Variants in ACTN1 observed in about 807,000 individuals in gnomAD.
The protein encoded by ACTN1 is actinin alpha 1.
In ACTN1, 30 loss-of-function variants were observed where a neutral mutation model predicts 119.6. That is an observed-to-expected ratio of 0.25 (90% CI 0.19 to 0.34). The LOEUF (loss-of-function observed/expected upper bound fraction) is 0.34, where lower values mean the gene tolerates loss of function less well. Among genes scored for constraint, ACTN1 ranks in the 10% least tolerant of loss-of-function variants. ACTN1 has a pLI of 1.00. For missense variants in ACTN1, 764 were observed against 1,223.4 expected (o/e 0.62, Z 5.60); for synonymous variants, 429 against 472.6 (o/e 0.91, Z 1.20).
chr14:68,942,682 G>A (rs747813421), intron 1 of ACTN1, among the ~76,000 whole-genome samples: 4 of 152,208 alleles, frequency 2.6e-5, no homozygotes, highest in African/African-American at 7.2e-5. Context: ...GGAAGCCCTC[G>A]TGCCCGGCTG....
intron 21 of ACTN1, among the ~76,000 whole-genome samples, chr14:68,875,507 C>T (rs1401613430): frequency 6.6e-6 from 1 of 152,244 alleles, no homozygotes; most frequent in East Asian, 1.9e-4. Context: ...TATGGCCAGG[C>T]TATGTTAAGC....
chr14:68,912,661 G>A (rs2034075442), intron 3 of ACTN1, among the ~76,000 whole-genome samples: 1 of 152,134 alleles, frequency 6.6e-6, no homozygotes, highest in Admixed American at 6.5e-5. Flanking sequence ...ACAGGCATGA[G>A]CTACCATGCC....
At chr14:68,927,415 CAG>C (rs912296544) in intron 1 of ACTN1, among the ~76,000 whole-genome samples, 1 of 152,198 alleles carries the variant, frequency 6.6e-6, no homozygotes, top group Non-Finnish European at 1.5e-5. Context: ...ACCCAGGGCA[CAG>C]AGTCAGGGAC....
intron 11 of ACTN1, chr14:68,888,033 T>C: frequency 1.4e-6 from 1 of 734,774 alleles, no homozygotes; most frequent in South Asian, 1.4e-5. Flanking sequence ...GATCTCCTCT[T>C]GGGCTTTTCC....
At chr14:68,910,181 A>G (rs2033922900) in intron 4 of ACTN1, 139 bp from the exon 5 acceptor site, 2 of 635,474 alleles carry the variant, frequency 3.1e-6, no homozygotes, top group South Asian at 2.0e-5. Context: ...CATCAAGTCT[A>G]TTCCCTTGAC....
intron 1 of ACTN1, among the ~76,000 whole-genome samples, chr14:68,973,344 C>T (rs2036956523): frequency 6.6e-6 from 1 of 152,168 alleles, no homozygotes; most frequent in Admixed American, 6.5e-5. Context: ...GTAATTGAAT[C>T]ATGGGGGTGG....
chr14:68,884,370 A>G, intron 13 of ACTN1, 62 bp from the exon 14 acceptor site: 1 of 1,548,876 alleles, frequency 6.5e-7, no homozygotes, highest in Non-Finnish European at 8.8e-7. Context: ...CCCCACTCCT[A>G]TCAAGATCCT....
intron 21 of ACTN1, among the ~76,000 whole-genome samples, chr14:68,876,028 ACT>A (rs1183705734): frequency 6.6e-6 from 1 of 151,712 alleles, no homozygotes; most frequent in Non-Finnish European, 1.5e-5. Context: ...ACGGAGTCTC[ACT>A]CTGTCACCCA....
intron 3 of ACTN1, among the ~76,000 whole-genome samples, chr14:68,915,953 G>C (rs1006878753): frequency 1.5e-4 from 23 of 152,242 alleles, no homozygotes; most frequent in African/African-American, 5.3e-4. Flanking sequence ...GGCGGAGGTT[G>C]CAGTAAGCTG....
intron 20 of ACTN1, 153 bp from the exon 21 acceptor site, chr14:68,877,393 G>A: frequency 2.3e-6 from 2 of 887,810 alleles, no homozygotes; most frequent in East Asian, 2.7e-5. Flanking sequence ...AGGGTATGAT[G>A]GGGACACAAC....
intron 1 of ACTN1, among the ~76,000 whole-genome samples, chr14:68,952,234 C>T (rs1207833310): frequency 6.6e-6 from 1 of 152,208 alleles, no homozygotes. Flanking sequence ...ATCCTGGGAT[C>T]GCCAGAGGGA....
chr14:68,904,802 A>G, intron 6 of ACTN1, 66 bp from the exon 7 acceptor site: 3 of 1,404,802 alleles, frequency 2.1e-6, no homozygotes, highest in Non-Finnish European at 3.0e-6. Context: ...GCTACTCCCA[A>G]TTGGGTGGCC....
intron 9 of ACTN1, 44 bp downstream of exon 9, chr14:68,893,611 T>G (rs777825538): frequency 1.3e-6 from 2 of 1,580,558 alleles, no homozygotes; most frequent in Non-Finnish European, 1.7e-6. Context: ...TCTAGGGGAC[T>G]GACTCTTGCT....
intron 2 of ACTN1, among the ~76,000 whole-genome samples, chr14:68,922,759 C>T (rs983619141): frequency 6.6e-6 from 1 of 152,242 alleles, no homozygotes; most frequent in Non-Finnish European, 1.5e-5. Context: ...CTGTGGCTGT[C>T]CAGCCCCTTT....
chr14:68,929,688 C>T (rs1300549677), intron 1 of ACTN1, among the ~76,000 whole-genome samples: 1 of 152,172 alleles, frequency 6.6e-6, no homozygotes, highest in African/African-American at 2.4e-5. Flanking sequence ...CGCAGAGCAG[C>T]GGCAACGGCC....
intron 3 of ACTN1, among the ~76,000 whole-genome samples, chr14:68,916,450 C>T (rs1444499354): frequency 6.6e-6 from 1 of 152,198 alleles, no homozygotes; most frequent in East Asian, 1.9e-4. Context: ...CTCATTCACA[C>T]CAAAGGCATA....
intron 1 of ACTN1, among the ~76,000 whole-genome samples, chr14:68,926,971 G>A (rs2034958917): frequency 6.6e-6 from 1 of 152,162 alleles, no homozygotes; most frequent in Non-Finnish European, 1.5e-5. Flanking sequence ...ACAGCATTAT[G>A]ATACCCTGTG....
intron 1 of ACTN1, among the ~76,000 whole-genome samples, chr14:68,933,136 T>A (rs890502146): frequency 2.6e-5 from 4 of 151,920 alleles, no homozygotes; most frequent in African/African-American, 9.7e-5. Flanking sequence ...GTATTTTTTT[T>A]ATTATTATTA....
In ACTN1 at chr14:68,901,208, T is replaced by G. The variant is rs558995376; in HGVS notation, c.762+1269A>C. ...CATGCATTTTTTTTTTGTTTTATGGTTTTTTTTTGTTTTTTTTTTGTTTTG... is the reference window on the plus strand; with the variant it reads ...CATGCATTTTTTTTTTGTTTTATGGGTTTTTTTTGTTTTTTTTTTGTTTTG... On this transcript the variant is annotated intron_variant, in intron 8 of 21. Transcript: ENST00000394419. Among the ~76,000 whole-genome samples, 60 of 104,064 alleles carry G rather than the reference T, an allele frequency of 5.8e-4. No individual in the cohort carries two copies. In the South Asian group the frequency reaches 7.5e-3, roughly 13 times the overall value. 68.3% of individuals were successfully genotyped at this position (104,064 alleles called of 152,430 possible). A position where few individuals can be genotyped will look rare whatever the true frequency, so the allele number is the denominator to read the frequency against.
Sources: gnomAD v4.1 joint callset for allele counts (sites outside exome capture counted in the v4.1 genomes callset) on GRCh38, gnomAD v4.1.1 for gene constraint, MANE v1.5 for transcripts, NCBI Gene and HGNC (gene_info 2026-07-23, HGNC 2026-07-21) for gene names.